The following ASIC2 variants were observed in gnomAD, a reference collection of about 807,000 sequenced individuals.
The protein encoded by ASIC2 is acid-sensing ion channel 2.
In ASIC2, 25 loss-of-function variants were observed where a neutral mutation model predicts 57.3. That is an observed-to-expected ratio of 0.44 (90% CI 0.32 to 0.61). The LOEUF is 0.61. Ranked by LOEUF, ASIC2 falls within the 20% of genes least tolerant of loss-of-function variation. The pLI is 0.06. For missense variants in ASIC2, 641 were observed against 738.1 expected, an observed-to-expected ratio of 0.87 and a Z score of 1.52; for synonymous variants, 319 against 307.5, an observed-to-expected ratio of 1.04 and a Z score of -0.39.
chr17:33,424,889 C>G lies in ASIC2; in HGVS notation c.556-312822G>C, dbSNP rs376318035. 6.6e-5 allele frequency among the ~76,000 whole-genome samples: 10 copies of G among 152,324 alleles called. No homozygotes were observed. In the East Asian group the frequency reaches 1.9e-3, roughly 29 times the overall value. On this transcript the variant is annotated intron_variant, in intron 1 of 9. Coordinates refer to the ASIC2 transcript ENST00000359872. ...CTCTCTCCATCAAAATATGCCCAAC[C>G]TGGGAGCCACTTGCACCTTCTTTTT...
At chr17:34,005,461 CCT>C (rs1325737047) in intron 1 of ASIC2, 3 of 139,210 alleles carry the variant, frequency 2.2e-5, no homozygotes, top group African/African-American at 3.3e-5. Context: ...TTTCTCTCCC[CCT>C]GTTATCTTTA....
chr17:33,255,036 T>TC, intron 1 of ASIC2, among the ~76,000 whole-genome samples: 1 of 144,204 alleles, frequency 6.9e-6, no homozygotes, highest in East Asian at 2.0e-4. Flanking sequence ...ATCTTTTTTT[T>TC]TTTTTTTTTT....
intron 1 of ASIC2, among the ~76,000 whole-genome samples, chr17:33,824,243 A>T (rs1377897162): frequency 6.6e-6 from 1 of 152,168 alleles, no homozygotes; most frequent in Non-Finnish European, 1.5e-5. Context: ...GGAAGCACTT[A>T]TTAAGATAGG....
In ASIC2 at chr17:33,333,006, T is replaced by A. The variant is rs562706630; in HGVS notation, c.556-220939A>T. ...TTCTGGCCTTCCAGGTGCCAATCTA[T>A]CTTGTAATCTATATGTAGCATGTTC... On this transcript the variant is annotated intron_variant, in intron 1 of 9. Coordinates refer to the ASIC2 transcript ENST00000359872. Among the ~76,000 whole-genome samples, 42 of 152,320 alleles carry A rather than the reference T, an allele frequency of 2.8e-4. No homozygotes were observed. In the East Asian group the frequency reaches 7.5e-3, roughly 27 times the overall value.
chr17:33,818,742 A>G (rs1466800905), intron 1 of ASIC2, among the ~76,000 whole-genome samples: 1 of 152,158 alleles, frequency 6.6e-6, no homozygotes, highest in African/African-American at 2.4e-5. Flanking sequence ...GATGTTTTAA[A>G]CCACTACTTT....
intron 1 of ASIC2, among the ~76,000 whole-genome samples, chr17:33,518,809 C>T (rs1207106216): frequency 1.3e-5 from 2 of 152,058 alleles, no homozygotes; most frequent in Non-Finnish European, 2.9e-5. Context: ...CCACAGTGGC[C>T]CTGTGAGATA....
At chr17:33,943,089 C>T (rs1916226677) in intron 1 of ASIC2, among the ~76,000 whole-genome samples, 1 of 152,084 alleles carries the variant, frequency 6.6e-6, no homozygotes, top group Non-Finnish European at 1.5e-5. Context: ...AAAGCTAAGG[C>T]CCAGAAAAAG....
chr17:34,110,240 G>A (rs1256441158), intron 1 of ASIC2, among the ~76,000 whole-genome samples: 4 of 152,140 alleles, frequency 2.6e-5, no homozygotes, highest in East Asian at 1.9e-4. Flanking sequence ...ACAAACAAAC[G>A]TGGGCATCAA....
At chr17:33,194,296 C>T (rs1402052991) in intron 1 of ASIC2, among the ~76,000 whole-genome samples, 1 of 152,228 alleles carries the variant, frequency 6.6e-6, no homozygotes, top group African/African-American at 2.4e-5. Flanking sequence ...CTGATCTCCA[C>T]ATTCAAAAGC....
chr17:33,702,707 A>G (rs1908741907), intron 1 of ASIC2, among the ~76,000 whole-genome samples: 1 of 152,232 alleles, frequency 6.6e-6, no homozygotes, highest in South Asian at 2.1e-4. Context: ...GATAACTGCA[A>G]TCTACTTCTT....
chr17:33,273,393 A>G (rs1445741973), intron 1 of ASIC2, among the ~76,000 whole-genome samples: 1 of 152,162 alleles, frequency 6.6e-6, no homozygotes, highest in Admixed American at 6.5e-5. Flanking sequence ...ATCCCCTGAT[A>G]TAGGGTTGTT....
chr17:33,526,869 G>C (rs1327401510), intron 1 of ASIC2, among the ~76,000 whole-genome samples: 1 of 152,182 alleles, frequency 6.6e-6, no homozygotes, highest in Non-Finnish European at 1.5e-5. Context: ...AGCTTTGTAA[G>C]AATTCCTCAT....
In ASIC2 at chr17:33,830,956, C is replaced by A. The variant is rs113941529; in HGVS notation, c.555+325022G>T. 3.5e-3 allele frequency among the ~76,000 whole-genome samples: 529 copies of A among 151,510 alleles called. 4 individuals carry two copies. The highest frequency in any genetic ancestry group is 6.3e-3 in the Non-Finnish European group (426 of 67,824). On this transcript the variant is annotated intron_variant, in intron 1 of 9. Transcript: ENST00000359872. The stretch of plus-strand genomic sequence containing the variant: ...TAAAACCCCATCTCTACTAAAAATA[C>A]AAAATTAGCAAGGCATGATGGCATG...
At chr17:33,333,801 A>T (rs1907409006) in intron 1 of ASIC2, among the ~76,000 whole-genome samples, 1 of 152,170 alleles carries the variant, frequency 6.6e-6, no homozygotes, top group Non-Finnish European at 1.5e-5. Context: ...AGGAAAGAGG[A>T]GGATTATGGG....
chr17:33,797,550 T>C (rs1454940577), intron 1 of ASIC2, among the ~76,000 whole-genome samples: 2 of 152,240 alleles, frequency 1.3e-5, no homozygotes, highest in Non-Finnish European at 2.9e-5. Flanking sequence ...GGTCCATGAT[T>C]GATCATTAGT....
intron 1 of ASIC2, among the ~76,000 whole-genome samples, chr17:33,739,713 G>C (rs1192277662): frequency 6.6e-6 from 1 of 151,940 alleles, no homozygotes; most frequent in Non-Finnish European, 1.5e-5. Context: ...CCCAGGCTAG[G>C]AGAGGGGATA....
chr17:33,472,438 T>C (rs1824127146), intron 1 of ASIC2, among the ~76,000 whole-genome samples: 1 of 152,204 alleles, frequency 6.6e-6, no homozygotes, highest in South Asian at 2.1e-4. Context: ...TATGGCACCA[T>C]CTTACAGGGG....
intron 1 of ASIC2, among the ~76,000 whole-genome samples, chr17:33,790,905 A>G (rs1309546691): frequency 6.6e-6 from 1 of 152,202 alleles, no homozygotes; most frequent in Non-Finnish European, 1.5e-5. Flanking sequence ...GCTCAACTCC[A>G]TTAGGCAGAT....
intron 1 of ASIC2, among the ~76,000 whole-genome samples, chr17:33,812,966 A>G (rs925225889): frequency 6.6e-6 from 1 of 152,016 alleles, no homozygotes; most frequent in African/African-American, 2.4e-5. Context: ...GGGGCTTCTT[A>G]TGTTCCCTGT....
Sources: gnomAD v4.1 joint callset for allele counts (sites outside exome capture counted in the v4.1 genomes callset) on GRCh38, gnomAD v4.1.1 for gene constraint, MANE v1.5 for transcripts, NCBI Gene and HGNC (gene_info 2026-07-23, HGNC 2026-07-21) for gene names.